The following ZNF777 variants were observed in gnomAD, a reference collection of about 807,000 sequenced individuals.
ZNF777 encodes the protein zinc finger protein 777.
Under a neutral mutation model 72.1 loss-of-function variants are expected in ZNF777, and 7 were observed. The ratio of observed to expected loss-of-function variants is 0.10; its 90% CI spans 0.06 to 0.18. The LOEUF is 0.18. Ranked by LOEUF, ZNF777 falls within the 10% of genes least tolerant of loss-of-function variation. The probability of loss-of-function intolerance (pLI) is 1.00; values close to 1 mark genes in which losing one functional copy is unlikely to be tolerated. For missense variants in ZNF777, 828 were observed against 1,128.6 expected, an observed-to-expected ratio of 0.73 and a Z score of 3.82; for synonymous variants, 545 against 483.5, an observed-to-expected ratio of 1.13 and a Z score of -1.67.
intron 3 of ZNF777, among the ~76,000 whole-genome samples, chr7:149,452,252 G>C (rs564298761): frequency 1.4e-5 from 2 of 147,574 alleles, no homozygotes; most frequent in South Asian, 4.4e-4. Context: ...GCAACAGAGC[G>C]AGACTCCGTC....
At chr7:149,459,836 G>A in intron 1 of ZNF777, 1 of 984,476 alleles carries the variant, frequency 1.0e-6, no homozygotes. Flanking sequence ...CGCGGGCCCC[G>A]CAGGGAGCGA....
At chr7:149,442,536 C>A (rs1463855755) in intron 4 of ZNF777, among the ~76,000 whole-genome samples, 1 of 151,538 alleles carries the variant, frequency 6.6e-6, no homozygotes, top group Non-Finnish European at 1.5e-5. Context: ...AGGAGAATAG[C>A]CTGAACCCAG....
chr7:149,437,477 T>C (rs1426482348), intron 4 of ZNF777, among the ~76,000 whole-genome samples: 2 of 152,222 alleles, frequency 1.3e-5, no homozygotes, highest in Non-Finnish European at 2.9e-5. Context: ...CGTATGCATG[T>C]ACACCATGGG....
chr7:149,440,044 A>C (rs985905347), intron 4 of ZNF777, among the ~76,000 whole-genome samples: 1 of 152,202 alleles, frequency 6.6e-6, no homozygotes, highest in Admixed American at 6.5e-5. Flanking sequence ...GGGCTGGAAG[A>C]AGCTTTGTTA....
chr7:149,434,179 T>A (rs983632556), intron 5 of ZNF777, among the ~76,000 whole-genome samples: 3 of 152,024 alleles, frequency 2.0e-5, no homozygotes, highest in East Asian at 3.9e-4. Context: ...CTTTCTAGAG[T>A]TTGCAGGTTG....
chr7:149,458,273 G>A (rs1799870601), intron 1 of ZNF777, among the ~76,000 whole-genome samples: 1 of 152,174 alleles, frequency 6.6e-6, no homozygotes, highest in African/African-American at 2.4e-5. Flanking sequence ...CAACAGCTAA[G>A]CCACCTCTGA....
In ZNF777 at chr7:149,460,134, C is replaced by G; in HGVS notation, c.-16+681G>C. 1 of 980,768 alleles carries G rather than the reference C, an allele frequency of 1.0e-6. No homozygotes were observed. Among genetic ancestry groups the G allele is most frequent in the Non-Finnish European group, 1.2e-6 (1 of 827,840 alleles). The allele number at this position is 980,768 out of a possible 1,614,324, so 60.8% of individuals were successfully genotyped here. ...CGGGCCGCCCTCACAGGAGCCGGGG[C>G]CGCCTCGGCCATGGCCCTGCGCTGT... On this transcript the variant is annotated intron_variant, in intron 1 of 5. Transcript: ENST00000247930. This position sits in a 1 kb window ranked among gnomAD's most constrained non-coding sequence, Gnocchi z 6.1.
chr7:149,432,484 G>A lies in ZNF777; in HGVS notation c.1788C>T (p.His596=), dbSNP rs780370641. The change falls in exon 6 of 6, where the codon CAC becomes CAT. Residue 596 remains histidine, a synonymous_variant. Transcript: ENST00000247930. Reference sequence around the variant, plus strand: ...GTGAGACGCAGCCTCCGCGCACGCGGTGGATGCGCTGGTGCAGCGTGAGCT... The same window carrying A: ...GTGAGACGCAGCCTCCGCGCACGCGATGGATGCGCTGGTGCAGCGTGAGCT... ...KQQLTLHQRI[H]RVRGGCVSPE... 6.2e-7 allele frequency: 1 copy of A among 1,613,820 alleles called. No homozygotes were observed. The highest frequency in any genetic ancestry group is 2.2e-5 in the East Asian group (1 of 44,868).
intron 4 of ZNF777, among the ~76,000 whole-genome samples, chr7:149,448,572 C>CTATATATAT (rs1799654483): frequency 9.5e-6 from 1 of 105,580 alleles, no homozygotes; most frequent in African/African-American, 4.1e-5. Flanking sequence ...TATAGTTATA[C>CTATATATAT]ATATAACTAT....
At chr7:149,434,825 C>A (rs564908469) in intron 5 of ZNF777, among the ~76,000 whole-genome samples, 2 of 152,128 alleles carry the variant, frequency 1.3e-5, no homozygotes, top group African/African-American at 2.4e-5. Context: ...TCAAGTGATC[C>A]GATCCGCCTG....
At chr7:149,445,734 T>A (rs1014371863) in intron 4 of ZNF777, among the ~76,000 whole-genome samples, 1 of 152,096 alleles carries the variant, frequency 6.6e-6, no homozygotes, top group African/African-American at 2.4e-5. Flanking sequence ...CTTTGCACCC[T>A]CCCCAGAGAA....
chr7:149,448,560 TA>T (rs1799653369), intron 4 of ZNF777, among the ~76,000 whole-genome samples: 1 of 106,054 alleles, frequency 9.4e-6, no homozygotes, highest in African/African-American at 4.0e-5. Flanking sequence ...TACATATAGT[TA>T]TATAGTTATA....
intron 1 of ZNF777, chr7:149,459,898 TGA>T (rs935041696): frequency 1.1e-5 from 11 of 971,852 alleles, no homozygotes; most frequent in Non-Finnish European, 1.3e-5. Context: ...GGGCCGGGCG[TGA>T]GAGCAGCCTC....
chr7:149,441,864 T>G (rs190502410), intron 4 of ZNF777, among the ~76,000 whole-genome samples: 138 of 151,772 alleles, frequency 9.1e-4, no homozygotes, highest in Non-Finnish European at 1.3e-4. Context: ...TTTTATAGGT[T>G]TTTTTTGAGA....
In ZNF777 at chr7:149,442,976, T is replaced by C. The variant is rs571193436; in HGVS notation, c.1088-6150A>G. ...GCTTAGAAGGGTGAAGGCATGTAAA[T>C]TGGCACAAGTGATTTGAAGGGATTT... On this transcript the variant is annotated intron_variant, in intron 4 of 5. Transcript: ENST00000247930. Among the ~76,000 whole-genome samples the C allele has an allele frequency of 1.2e-3, 189 of 152,304 alleles. 1 individual carries two copies. The highest frequency in any genetic ancestry group is 3.8e-3 in the Admixed American group (58 of 15,296).
At position 149,455,484 on chromosome 7, in the gene ZNF777, G is replaced by T. The variant is rs772502712; in HGVS notation, c.539C>A (p.Thr180Lys). 1.2e-6 allele frequency: 2 copies of T among 1,614,094 alleles called. No homozygotes were observed. Among genetic ancestry groups the T allele is most frequent in the Admixed American group, 3.3e-5 (2 of 60,024 alleles). Residue 180 changes from threonine (T) to lysine (K), a missense_variant, in exon 2 of 6, where the codon ACG becomes AAG. Thr to Lys is a moderately conservative substitution (Grantham distance 78). Around this residue, in one of 12 missense-constraint regions of ZNF777, gnomAD observed 76 missense variants for 157.3 expected, o/e 0.48. Coordinates refer to ENST00000247930, the MANE Select transcript of ZNF777 (RefSeq NM_015694.3). The surrounding 1 kb of genome is among the most constrained non-coding windows in gnomAD (Gnocchi z 4.2). The part of the protein sequence containing the change: ...SAVQKEQPLP[T>K]AEITRLAVWA... ...CACAGCCAAGCGGGTGATCTCTGCC[G>T]TGGGGAGCGGCTGTTCCTTCTGGAC...
In ZNF777 at chr7:149,455,951, A is replaced by G. The variant is rs1799821330; in HGVS notation, c.72T>C (p.Pro24=). ...VPQEETLRQA[P]AGLPRETLFQ... is the part of the protein sequence containing the mutation. ...ACAGAGTTTCTCGGGGGAGTCCAGC[A>G]GGGGCCTGACGTAAGGTTTCTTCTT... Residue 24 remains proline (P), a synonymous_variant, in exon 2 of 6, where the codon CCT becomes CCC. Coordinates refer to ENST00000247930, the MANE Select transcript of ZNF777 (RefSeq NM_015694.3). The surrounding 1 kb of genome is among the most constrained non-coding windows in gnomAD (Gnocchi z 4.2). The G allele has an allele frequency of 6.2e-7, 1 of 1,613,276 alleles. No individual in the cohort carries two copies. Among genetic ancestry groups the G allele is most frequent in the African/African-American group, 1.3e-5 (1 of 74,838 alleles).
rs758999687 is a variant in ZNF777 at position 149,432,728 on chromosome 7, C to T, written c.1544G>A (p.Arg515Lys). The change falls in exon 6 of 6, where the codon AGG becomes AAG. Residue 515 changes from arginine to lysine, a missense_variant. This residue lies in a region of ZNF777 where 219 missense variants were observed against 223.0 expected (regional missense o/e 0.98). Transcript: ENST00000247930. ...CTCACCGTGCACGGAGGGCGCCAGC[C>T]TTTTCACTGCGGGGTTTCCTAGCTG... is the stretch of plus-strand genomic sequence containing the variant. Reference protein sequence around the residue: ...PLQLGNPAVKRLAPSVHGERH... With the variant: ...PLQLGNPAVKKLAPSVHGERH... 2.5e-6 allele frequency: 4 copies of T among 1,612,298 alleles called. No individual in the cohort carries two copies. The highest frequency in any genetic ancestry group is 2.5e-6 in the Non-Finnish European group (3 of 1,178,894).
In ZNF777 at chr7:149,458,028, G is replaced by A. The variant is rs534181421; in HGVS notation, c.-15-1991C>T. ...GAATCCTTTTTACCTCTAAAATCCCGAGGCCTGGATATTATTTATACACAA... is the reference window on the plus strand; with the variant it reads ...GAATCCTTTTTACCTCTAAAATCCCAAGGCCTGGATATTATTTATACACAA... On this transcript the variant is annotated intron_variant, in intron 1 of 5. Transcript: ENST00000247930. 1.3e-4 allele frequency among the ~76,000 whole-genome samples: 20 copies of A among 152,258 alleles called. No homozygotes were observed. The South Asian group carries it at 2.1e-3, about 16-fold the overall frequency.
Sources: gnomAD v4.1 joint callset for allele counts (sites outside exome capture counted in the v4.1 genomes callset) on GRCh38, gnomAD v4.1.1 for gene constraint, gnomAD v4.1.1 regional missense constraint, Gnocchi (gnomAD v3.1) non-coding constraint, MANE v1.5 for transcripts, NCBI Gene and HGNC (gene_info 2026-07-23, HGNC 2026-07-21) for gene names.